Variants in ZNF300 observed in about 807,000 individuals in gnomAD.
The protein encoded by ZNF300 is kruppel-like zinc finger protein.
ZNF300 carries 6 observed loss-of-function variants against 13.9 expected under a neutral mutation model. The ratio of observed to expected loss-of-function variants is 0.43; its 90% CI spans 0.24 to 0.85. The LOEUF (loss-of-function observed/expected upper bound fraction) is 0.85. Ranked by LOEUF, ZNF300 falls within the 40% of genes least tolerant of loss-of-function variation. ZNF300 has a pLI of 0.25. For missense variants in ZNF300, 662 were observed against 714.2 expected, an observed-to-expected ratio of 0.93 and a Z score of 0.83; for synonymous variants, 237 against 242.2, an observed-to-expected ratio of 0.98 and a Z score of 0.20.
Position 150,896,339 on chromosome 5 carries a change from A to T in ZNF300, c.900T>A (p.Gly300=), listed in dbSNP as rs1365828017. 6.2e-7 allele frequency: 1 copy of T among 1,613,662 alleles called. No individual in the cohort carries two copies. Among genetic ancestry groups the T allele is most frequent in the Admixed American group, 1.7e-5 (1 of 59,958 alleles). Residue 300 remains glycine, a synonymous_variant, in exon 6 of 6, where the codon GGT becomes GGA. Coordinates refer to ENST00000274599, the MANE Select transcript of ZNF300 (RefSeq NM_052860.4). ...IHTGKKPYDC[G]ACGKAFSEKF... is the part of the protein sequence containing the mutation. The stretch of plus-strand genomic sequence containing the variant: ...TCTCACTGAAGGCTTTTCCGCATGC[A>T]CCACAATCATATGGTTTCTTTCCAG...
chr5:150,902,089 G>A (rs752838108), intron 3 of ZNF300, among the ~76,000 whole-genome samples: 1 of 152,098 alleles, frequency 6.6e-6, no homozygotes, highest in Non-Finnish European at 1.5e-5. Flanking sequence ...TGATTATCCT[G>A]GGAGAAGGTG....
intron 3 of ZNF300, among the ~76,000 whole-genome samples, chr5:150,900,274 T>C (rs1468195655): frequency 6.6e-6 from 1 of 152,092 alleles, no homozygotes; most frequent in Non-Finnish European, 1.5e-5. Flanking sequence ...ATACCAACCT[T>C]AGTCGACCTT....
rs1479698231 is a variant in ZNF300, at chr5:150,895,877, T to G, written c.1362A>C (p.Thr454=). The change falls in exon 6 of 6, where the codon ACA becomes ACC. Residue 454 remains threonine (T), a synonymous_variant. Transcript: ENST00000274599. ...EAFSRKTELI[T]HQLVHTGEKP... is the part of the protein sequence containing the mutation. ...TTTCCCCAGTATGAACTAACTGATG[T>G]GTAATGAGTTCTGTCTTCCTGCTGA... is the stretch of plus-strand genomic sequence containing the variant. 6.2e-7 allele frequency: 1 copy of G among 1,613,668 alleles called. No homozygotes were observed. The highest frequency in any genetic ancestry group is 8.5e-7 in the Non-Finnish European group (1 of 1,179,834).
In ZNF300 at chr5:150,896,563, C is replaced by T. The variant is rs1754790497; in HGVS notation, c.676G>A (p.Glu226Lys). ...ATCTTCTCAAGATTAGAATTGGGCT[C>T]ACTCTGGCTAGATGATTTTCCACCT... is the stretch of plus-strand genomic sequence containing the variant. ...FGGGKSSSQSEPNSNLEKIHN... is the reference protein window; with the variant it reads ...FGGGKSSSQSKPNSNLEKIHN... Residue 226 changes from glutamate to lysine, a missense_variant, in exon 6 of 6, where the codon GAG becomes AAG. Coordinates refer to ENST00000274599, the MANE Select transcript of ZNF300 (RefSeq NM_052860.4). 6.2e-7 allele frequency: 1 copy of T among 1,613,736 alleles called. No homozygotes were observed. The highest frequency in any genetic ancestry group is 8.5e-7 in the Non-Finnish European group (1 of 1,179,850).
rs1332737906 is a variant in ZNF300, at chr5:150,903,185, GA to G, written c.-27-4del. On this transcript the variant is annotated splice_region_variant and splice_polypyrimidine_tract_variant and intron_variant, in intron 2 of 5. Transcript: ENST00000274599. ...TGCTCTTCCAAAAGGCCAGATGACT[GA>G]AAAAGCAAAACTGGTGATCAGAATG... The G allele has an allele frequency of 2.5e-6, 4 of 1,613,444 alleles. No individual in the cohort carries two copies. The African/African-American group carries it at 4.0e-5, about 16-fold the overall frequency.
chr5:150,903,132 G>A lies in ZNF300; in HGVS notation c.15+9C>T. ...GAAGAATTTTTTTTTTTTTTAAAAA[G>A]CAACTCACCTGGGACTTCATCATTT... is the stretch of plus-strand genomic sequence containing the variant. On this transcript the variant is annotated intron_variant, in intron 3 of 5. Transcript: ENST00000274599. The A allele has an allele frequency of 6.3e-7, 1 of 1,590,966 alleles. No individual in the cohort carries two copies. The highest frequency in any genetic ancestry group is 1.2e-5 in the South Asian group (1 of 86,052).
At chr5:150,901,259 G>A (rs1754985555) in intron 3 of ZNF300, among the ~76,000 whole-genome samples, 1 of 151,972 alleles carries the variant, frequency 6.6e-6, no homozygotes, top group South Asian at 2.1e-4. Flanking sequence ...AACCAGATAG[G>A]TAAGTTTACA....
At position 150,895,714 on chromosome 5, in the gene ZNF300, T is replaced by C; in HGVS notation, c.1525A>G (p.Ile509Val). ...GKAFCQKSHL[I>V]GHQRIHTGEK... ...CCTGTGTGAATTCTCTGATGTCCAA[T>C]GAGATGTGACTTCTGGCAGAAGGCT... Residue 509 changes from isoleucine to valine, a missense_variant, in exon 6 of 6, where the codon ATT becomes GTT. Physicochemically the swap from Ile to Val is conservative, Grantham distance 29 (BLOSUM62 3). Coordinates refer to ENST00000274599, the MANE Select transcript of ZNF300 (RefSeq NM_052860.4). The C allele has an allele frequency of 6.2e-7, 1 of 1,613,610 alleles. No homozygotes were observed. Among genetic ancestry groups the C allele is most frequent in the Non-Finnish European group, 8.5e-7 (1 of 1,179,826 alleles).
In ZNF300 at chr5:150,896,809, G is replaced by A. The variant is rs1561756045; in HGVS notation, c.430C>T (p.Leu144Phe). 2 of 1,613,642 alleles carry A rather than the reference G, an allele frequency of 1.2e-6. No individual in the cohort carries two copies. The highest frequency in any genetic ancestry group is 2.7e-5 in the African/African-American group (2 of 74,874). The change falls in exon 6 of 6, where the codon CTC (leucine) becomes TTC (phenylalanine). Residue 144 changes from leucine to phenylalanine, a missense_variant. Transcript: ENST00000274599. Reference protein sequence around the residue: ...LQRFLENQDKLFRQVTFVNSK... With the variant: ...LQRFLENQDKFFRQVTFVNSK... ...TTAACAAATGTGACCTGCCTGAAGA[G>A]TTTGTCTTGATTCTCTAGAAATCTC...
Position 150,903,364 on chromosome 5 carries a change from A to G in ZNF300, c.-27-182T>C, listed in dbSNP as rs141633058. 518 of 1,547,492 alleles carry G rather than the reference A, an allele frequency of 3.3e-4. 5 individuals carry two copies. In the African/African-American group the frequency reaches 6.3e-3, roughly 19 times the overall value. On this transcript the variant is annotated intron_variant, in intron 2 of 5. Coordinates refer to ENST00000274599, the MANE Select transcript of ZNF300 (RefSeq NM_052860.4). ...GCAGGCACCATGTGGAGGAGGGATC[A>G]TTCTTTACTCCTCTTGTACCTATAA...
intron 3 of ZNF300, among the ~76,000 whole-genome samples, chr5:150,901,490 G>C (rs1346732391): frequency 6.6e-6 from 1 of 151,922 alleles, no homozygotes; most frequent in Admixed American, 6.6e-5. Context: ...ATATTAGACA[G>C]CACGGCTCTA....
intron 3 of ZNF300, among the ~76,000 whole-genome samples, chr5:150,898,985 G>A (rs1034209761): frequency 6.6e-6 from 1 of 152,022 alleles, no homozygotes; most frequent in East Asian, 1.9e-4. Context: ...GCCATATGAG[G>A]TATTTAGGGT....
intron 3 of ZNF300, among the ~76,000 whole-genome samples, chr5:150,901,734 A>T (rs1359744943): frequency 6.6e-6 from 1 of 152,046 alleles, no homozygotes; most frequent in Non-Finnish European, 1.5e-5. Context: ...TTCTCACAAC[A>T]ACCCTATGGG....
rs111355487 is a variant in ZNF300 at position 150,903,112 on chromosome 5, ATTT to A, written c.15+26_15+28del. 2,384 of 1,279,672 alleles carry A rather than the reference ATTT, an allele frequency of 1.9e-3. 19 individuals carry two copies. The African/African-American group carries it at 0.032, about 17-fold the overall frequency. The allele number at this position is 1,279,672 out of a possible 1,614,324, so 79.3% of individuals were successfully genotyped here. A position where few individuals can be genotyped will look rare whatever the true frequency, so the allele number is the denominator to read the frequency against. ...TGATTGTATGAAAAACCAAAGAAGA[ATTT>A]TTTTTTTTTTTAAAAAGCAACTCAC... On this transcript the variant is annotated intron_variant, in intron 3 of 5. Coordinates refer to ENST00000274599, the MANE Select transcript of ZNF300 (RefSeq NM_052860.4).
At chr5:150,897,951 G>T in intron 5 of ZNF300, 111 bp downstream of exon 5, 2 of 1,320,398 alleles carry the variant, frequency 1.5e-6, no homozygotes, top group Non-Finnish European at 2.1e-6. Flanking sequence ...CTTGTTGAGT[G>T]ACTACTAAAT....
Position 150,896,200 on chromosome 5 carries a change from G to C in ZNF300, c.1039C>G (p.His347Asp), listed in dbSNP as rs1225730567. 1 of 1,613,600 alleles carries C rather than the reference G, an allele frequency of 6.2e-7. No individual in the cohort carries two copies. Among genetic ancestry groups the C allele is most frequent in the South Asian group, 1.1e-5 (1 of 91,052 alleles). Residue 347 changes from histidine to aspartate, a missense_variant, in exon 6 of 6, where the codon CAC (histidine) becomes GAC (aspartate). By Grantham distance (81) the His-to-Asp change is moderately conservative (BLOSUM62 -1). Coordinates refer to ENST00000274599, the MANE Select transcript of ZNF300 (RefSeq NM_052860.4). ...CATTCATAGGGTTTTTCCCCAGTGT[G>C]AACTCTCTGATGTATAATAAGGGAC... ...KSSLIIHQRV[H>D]TGEKPYECSE...
At chr5:150,899,343 A>G (rs1430521931) in intron 3 of ZNF300, among the ~76,000 whole-genome samples, 2 of 152,182 alleles carry the variant, frequency 1.3e-5, no homozygotes, top group African/African-American at 4.8e-5. Flanking sequence ...AGGCCATAAA[A>G]GTAACAAAAT....
intron 3 of ZNF300, among the ~76,000 whole-genome samples, chr5:150,899,499 T>G (rs1302406099): frequency 1.3e-5 from 2 of 152,016 alleles, no homozygotes; most frequent in African/African-American, 4.8e-5. Context: ...CTTTATTTCA[T>G]AGGAAAATGA....
chr5:150,898,109 AT>A lies in ZNF300; in HGVS notation c.217del (p.Ile73TyrfsTer40). 6.2e-7 allele frequency: 1 copy of A among 1,613,682 alleles called. No homozygotes were observed. The highest frequency in any genetic ancestry group is 8.5e-7 in the Non-Finnish European group (1 of 1,179,748). On this transcript the variant is annotated frameshift_variant, in exon 5 of 6. Transcript: ENST00000274599. LOFTEE classifies it low-confidence loss of function (END_TRUNC). ...GEEPWIIKGD[I>X]SNWIYPDEYQ... ...TTCATCTGGATAGATCCAATTTGAT[AT>A]GTCTCCCTTTATGATCCATGGCTCT...
Sources: allele counts gnomAD v4.1 joint callset (sites outside exome capture counted in the v4.1 genomes callset), GRCh38; gene constraint gnomAD v4.1.1; transcripts MANE v1.5; gene names NCBI Gene and HGNC (gene_info 2026-07-23, HGNC 2026-07-21).